EFEMP2: variants seen among roughly 807,000 people sequenced by gnomAD.
EFEMP2 encodes the protein EGF-containing fibulin-like extracellular matrix protein 2.
In EFEMP2, 21 loss-of-function variants were observed where a neutral mutation model predicts 55.3. The observed-to-expected ratio is 0.38, with a 90% CI of 0.27 to 0.55. EFEMP2 has a LOEUF of 0.55. Among genes scored for constraint, EFEMP2 ranks in the 20% least tolerant of loss-of-function variants. The pLI is 0.77. For missense variants in EFEMP2, 513 were observed against 615.1 expected, an observed-to-expected ratio of 0.83 and a Z score of 1.76; for synonymous variants, 275 against 242.3, an observed-to-expected ratio of 1.14 and a Z score of -1.25.
At chr11:65,872,497 C>A (rs983735688) in intron 1 of EFEMP2, 136 bp from the exon 2 acceptor site, 3 of 621,326 alleles carry the variant, frequency 4.8e-6, no homozygotes, top group Non-Finnish European at 8.5e-6. Context: ...GGGCTGGGGG[C>A]CGACTCCTCA....
chr11:65,867,469 A>T (rs1859873910), intron 10 of EFEMP2: 1 of 427,026 alleles, frequency 2.3e-6, no homozygotes, highest in African/African-American at 2.0e-5. Context: ...TCCTGCTGAG[A>T]CCCATGCATG....
Position 65,866,826 on chromosome 11 carries a change from TTC to T in EFEMP2, c.*90_*91del. The T allele has an allele frequency of 1.3e-6, 2 of 1,525,750 alleles. No individual in the cohort carries two copies. The highest frequency in any genetic ancestry group is 1.8e-5 in the Admixed American group (1 of 55,200). 94.5% of individuals were successfully genotyped at this position (1,525,750 alleles called of 1,614,324 possible). A position where few individuals can be genotyped will look rare whatever the true frequency, so the allele number is the denominator to read the frequency against. The stretch of plus-strand genomic sequence containing the variant: ...CCCGCCCACCTCAGCCACCAGGACT[TTC>T]TTTCTCCCTTTATTGCCTTTCTCAT... On this transcript the variant is annotated 3_prime_UTR_variant, in exon 11 of 11. Transcript: ENST00000307998.
Position 65,868,057 on chromosome 11 carries a change from C to T in EFEMP2, c.975-1G>A. The stretch of plus-strand genomic sequence containing the variant: ...GTTGGAGGCCGGGCAGAGACAGCGG[C>T]TAGAGACCCCGAGGTGGGGGACACA... On this transcript the variant is annotated splice_acceptor_variant, in intron 9 of 10. Coordinates refer to ENST00000307998, the MANE Select transcript of EFEMP2 (RefSeq NM_016938.5). LOFTEE classifies it high-confidence loss of function. The T allele has an allele frequency of 6.2e-7, 1 of 1,613,534 alleles. No homozygotes were observed. Among genetic ancestry groups the T allele is most frequent in the Non-Finnish European group, 8.5e-7 (1 of 1,179,872 alleles).
At chr11:65,872,106 TC>T (rs1211866849) in intron 2 of EFEMP2, 88 bp from the exon 3 acceptor site, 2 of 1,527,180 alleles carry the variant, frequency 1.3e-6, no homozygotes, top group Admixed American at 3.9e-5. Flanking sequence ...CTGGCCACCC[TC>T]CGGCCTGCTC....
In EFEMP2 at chr11:65,871,113, G is replaced by C. The variant is rs138715022; in HGVS notation, c.367+44C>G. 7.9e-4 allele frequency: 1,277 copies of C among 1,608,390 alleles called. 9 individuals are homozygous for C. In the African/African-American group the frequency reaches 0.015, roughly 19 times the overall value. ...CATGAGGTCTGAGTTTAAGACGCCT[G>C]GTGAGAGGACTGGAAGCCAGGCACC... On this transcript the variant is annotated intron_variant, in intron 4 of 10. Transcript: ENST00000307998.
In EFEMP2 at chr11:65,866,654, G is replaced by A. The variant is rs542945122; in HGVS notation, c.*264C>T. 4.3e-5 allele frequency: 30 copies of A among 703,686 alleles called. No individual in the cohort carries two copies. Among genetic ancestry groups the A allele is most frequent in the South Asian group, 1.0e-4 (7 of 67,600 alleles). 43.6% of individuals were successfully genotyped at this position (703,686 alleles called of 1,614,324 possible). ...CCTCCTCGTTACCTCCTCTCCTCTC[G>A]GGGTGACTGAAGCTCGTGGTGCAGA... On this transcript the variant is annotated 3_prime_UTR_variant, in exon 11 of 11. Coordinates refer to ENST00000307998, the MANE Select transcript of EFEMP2 (RefSeq NM_016938.5).
intron 3 of EFEMP2, chr11:65,871,617 C>G (rs1859966425): frequency 1.7e-6 from 1 of 601,066 alleles, no homozygotes; most frequent in South Asian, 2.0e-5. Flanking sequence ...ACGGCCCTAG[C>G]CCTAGCTCAG....
At position 65,870,251 on chromosome 11, in the gene EFEMP2, CAGG is replaced by C. The variant is rs1859942101; in HGVS notation, c.491-17_491-15del. 1.2e-6 allele frequency: 2 copies of C among 1,610,880 alleles called. No individual in the cohort carries two copies. Among genetic ancestry groups the C allele is most frequent in the Admixed American group, 1.7e-5 (1 of 59,988 alleles). The stretch of plus-strand genomic sequence containing the variant: ...ACTCGTCTATGTCTAGGGATAGAGG[CAGG>C]AGAAGGAGGGCGGAGGGCAGAGGGC... On this transcript the variant is annotated splice_polypyrimidine_tract_variant and intron_variant, in intron 5 of 10. Transcript: ENST00000307998.
At position 65,870,216 on chromosome 11, in the gene EFEMP2, C is replaced by G; in HGVS notation, c.512G>C (p.Arg171Pro). ...ECVDIDECRY[R>P]YCQHRCVNLP... The stretch of plus-strand genomic sequence containing the variant: ...GTTCACGCAGCGGTGCTGGCAGTAG[C>G]GGTAGCGGCACTCGTCTATGTCTAG... The change falls in exon 6 of 11, where the codon CGC becomes CCC. Residue 171 changes from arginine to proline, a missense_variant. Physicochemically the swap from Arg to Pro is moderately radical, Grantham distance 103. Transcript: ENST00000307998. 1 of 1,613,430 alleles carries G rather than the reference C, an allele frequency of 6.2e-7. No individual in the cohort carries two copies. Among genetic ancestry groups the G allele is most frequent in the Admixed American group, 1.7e-5 (1 of 60,012 alleles).
chr11:65,872,362 C>T lies in EFEMP2; in HGVS notation c.-7-1G>A. 1 of 1,546,162 alleles carries T rather than the reference C, an allele frequency of 6.5e-7. No homozygotes were observed. The highest frequency in any genetic ancestry group is 8.8e-7 in the Non-Finnish European group (1 of 1,142,560). On this transcript the variant is annotated splice_acceptor_variant, in intron 1 of 10. Transcript: ENST00000307998. LOFTEE classifies it low-confidence loss of function (5UTR_SPLICE). ...GGAGGCGCAGGGGAGCATCCTGGGGCTGCGAGATGGTGGACACGGGTCAGG... is the reference window on the plus strand; with the variant it reads ...GGAGGCGCAGGGGAGCATCCTGGGGTTGCGAGATGGTGGACACGGGTCAGG...
Position 65,869,955 on chromosome 11 carries a change from C to G in EFEMP2, c.629G>C (p.Gly210Ala), listed in dbSNP as rs1207922698. ...SCVDVNECDMGAPCEQRCFNS... is the reference protein window; with the variant it reads ...SCVDVNECDMAAPCEQRCFNS... ...GAAGCAGCGCTGCTCGCATGGGGCC[C>G]CCATGTCACACTCGTTCACATCTGG... Residue 210 changes from glycine to alanine, a missense_variant, in exon 7 of 11, where the codon GGG becomes GCG. By Grantham distance (60) the Gly-to-Ala change is moderately conservative (BLOSUM62 0). Transcript: ENST00000307998. The G allele has an allele frequency of 1.2e-6, 2 of 1,613,946 alleles. No homozygotes were observed. The highest frequency in any genetic ancestry group is 1.7e-6 in the Non-Finnish European group (2 of 1,179,978).
At chr11:65,868,656 C>T (rs373825149) in intron 7 of EFEMP2, 27 bp from the exon 8 acceptor site, 97 of 1,613,106 alleles carry the variant, frequency 6.0e-5, no homozygotes, top group Middle Eastern at 1.6e-4. Flanking sequence ...ATGGGGACCC[C>T]GGGTCAAGGG....
At position 65,867,024 on chromosome 11, in the gene EFEMP2, CG is replaced by C. The variant is rs1859861591; in HGVS notation, c.1225del (p.Arg409GlyfsTer12). ...CATCTCCAGGTCCAGCACGTACTCC[CG>C]GGGGCCCGTCACCGGCCGGGCGAGG... ...LVLARPVTGP[R>X]EYVLDLEMVT... On this transcript the variant is annotated frameshift_variant, in exon 11 of 11. Transcript: ENST00000307998. LOFTEE classifies it high-confidence loss of function. 1 of 1,614,154 alleles carries C rather than the reference CG, an allele frequency of 6.2e-7. No individual in the cohort carries two copies. The highest frequency in any genetic ancestry group is 8.5e-7 in the Non-Finnish European group (1 of 1,180,026).
intron 4 of EFEMP2, chr11:65,870,891 A>C: frequency 1.4e-6 from 1 of 718,598 alleles, no homozygotes; most frequent in Non-Finnish European, 2.4e-6. Context: ...TCCTTCCTCC[A>C]AGGCCTGTGG....
chr11:65,870,398 G>T, intron 5 of EFEMP2, 138 bp downstream of exon 5: 1 of 1,458,212 alleles, frequency 6.9e-7, no homozygotes, highest in Non-Finnish European at 9.5e-7. Flanking sequence ...CCCCGCTACA[G>T]TCCTCTGTGT....
intron 5 of EFEMP2, 120 bp from the exon 6 acceptor site, chr11:65,870,357 G>T: frequency 7.1e-7 from 1 of 1,406,176 alleles, no homozygotes; most frequent in Non-Finnish European, 1.0e-6. Flanking sequence ...GCTGAATTAG[G>T]CAGGGTCAGC....
Position 65,867,851 on chromosome 11 carries a change from G to A in EFEMP2, c.1170+10C>T. The A allele has an allele frequency of 6.2e-7, 1 of 1,613,914 alleles. No homozygotes were observed. The highest frequency in any genetic ancestry group is 8.5e-7 in the Non-Finnish European group (1 of 1,179,890). On this transcript the variant is annotated intron_variant, in intron 10 of 10. Transcript: ENST00000307998. Reference sequence around the variant, plus strand: ...TTGTGCATGTCAGTTGAGGGTTGCAGAAACCTTACCCTAATGTAAAAGTCC... The same window carrying A: ...TTGTGCATGTCAGTTGAGGGTTGCAAAAACCTTACCCTAATGTAAAAGTCC...
rs1859965324 is a variant in EFEMP2 at position 65,871,526 on chromosome 11, G to T, written c.161-163C>A. The T allele has an allele frequency of 4.3e-6, 3 of 698,090 alleles. No homozygotes were observed. The South Asian group carries it at 5.2e-5, about 12-fold the overall frequency. The allele number at this position is 698,090 out of a possible 1,614,324, so 43.2% of individuals were successfully genotyped here. On this transcript the variant is annotated intron_variant, in intron 3 of 10. Transcript: ENST00000307998. The stretch of plus-strand genomic sequence containing the variant: ...TGCCTGCTCAGGACCCCTCCCCAGG[G>T]TTGGCCAAGGCTGGAGATGGGGCAG...
chr11:65,869,922 T>G lies in EFEMP2; in HGVS notation c.662A>C (p.Tyr221Ser). 6.2e-7 allele frequency: 1 copy of G among 1,613,920 alleles called. No individual in the cohort carries two copies. Among genetic ancestry groups the G allele is most frequent in the African/African-American group, 1.3e-5 (1 of 75,006 alleles). Reference protein sequence around the residue: ...APCEQRCFNSYGTFLCRCHQG... With the variant: ...APCEQRCFNSSGTFLCRCHQG... ...GTGGCAGCGACACAGGAAGGTCCCA[T>G]AGGAGTTGAAGCAGCGCTGCTCGCA... The change falls in exon 7 of 11, where the codon TAT becomes TCT. Residue 221 changes from tyrosine (Y) to serine (S), a missense_variant. Tyr to Ser is a moderately radical substitution (Grantham distance 144). Coordinates refer to ENST00000307998, the MANE Select transcript of EFEMP2 (RefSeq NM_016938.5).
Sources: allele counts gnomAD v4.1 joint callset, GRCh38; gene constraint gnomAD v4.1.1; transcripts MANE v1.5; gene names NCBI Gene and HGNC (gene_info 2026-07-23, HGNC 2026-07-21).